The following ADAP1 variants were observed in gnomAD, a reference collection of about 807,000 sequenced individuals.
ADAP1 encodes ArfGAP with dual PH domains 1.
ADAP1 carries 31 observed loss-of-function variants against 54.9 expected under a neutral mutation model. That is an observed-to-expected ratio of 0.56 (90% CI 0.42 to 0.76). The LOEUF (loss-of-function observed/expected upper bound fraction) is 0.76, where lower values mean the gene tolerates loss of function less well. Among genes scored for constraint, ADAP1 ranks in the 30% least tolerant of loss-of-function variants. The probability of loss-of-function intolerance (pLI) is 0.00; values close to 1 mark genes in which losing one functional copy is unlikely to be tolerated. For missense variants in ADAP1, 535 were observed against 512.4 expected (o/e 1.04, Z -0.42); for synonymous variants, 313 against 202.6 (o/e 1.55, Z -4.63).
At chr7:906,484 GAGAAAGGGAAAGGAGAAAGGGA>G (rs1845349642) in intron 4 of ADAP1, among the ~76,000 whole-genome samples, 7 of 103,754 alleles carry the variant, frequency 6.7e-5, no homozygotes, top group Middle Eastern at 6.7e-3. Flanking sequence ...AAGGAGAAAG[GAGAAAGGGAAAGGAGAAAGGGA>G]GAAAGGAGAA....
intron 6 of ADAP1, among the ~76,000 whole-genome samples, chr7:902,689 A>T (rs1191010330): frequency 6.6e-6 from 1 of 151,768 alleles, no homozygotes; most frequent in East Asian, 2.0e-4. Flanking sequence ...AAATCATTAG[A>T]TAAGAAAGCA....
chr7:928,233 G>A (rs577851770), intron 2 of ADAP1, among the ~76,000 whole-genome samples: 93 of 152,026 alleles, frequency 6.1e-4, no homozygotes, highest in Non-Finnish European at 8.8e-4. Context: ...TGGACACAGC[G>A]GCTCACACCT....
intron 6 of ADAP1, among the ~76,000 whole-genome samples, chr7:903,678 C>T (rs1315160999): frequency 6.6e-6 from 1 of 152,046 alleles, no homozygotes; most frequent in Non-Finnish European, 1.5e-5. Context: ...GCCGCCACAC[C>T]AAGGGCAGCC....
intron 1 of ADAP1, among the ~76,000 whole-genome samples, chr7:948,965 G>A (rs1847205300): frequency 6.6e-6 from 1 of 152,138 alleles, no homozygotes; most frequent in African/African-American, 2.4e-5. Flanking sequence ...AAAGTGCTGG[G>A]ATTACAGGCG....
intron 1 of ADAP1, among the ~76,000 whole-genome samples, chr7:947,422 C>T (rs1221573179): frequency 1.3e-5 from 2 of 151,958 alleles, no homozygotes; most frequent in African/African-American, 4.8e-5. Context: ...CTAGCTCGGG[C>T]CTCTTTCCTC....
At chr7:925,224 C>T (rs1254385148) in intron 3 of ADAP1, among the ~76,000 whole-genome samples, 1 of 152,040 alleles carries the variant, frequency 6.6e-6, no homozygotes, top group African/African-American at 2.4e-5. Context: ...CACCTCCAGC[C>T]CCTGCTCCCC....
At position 920,969 on chromosome 7, in the gene ADAP1, G is replaced by C; in HGVS notation, c.306-919C>G. 1.8e-6 allele frequency: 2 copies of C among 1,131,206 alleles called. No individual in the cohort carries two copies. The highest frequency in any genetic ancestry group is 2.9e-5 in the South Asian group (2 of 69,008). 70.1% of individuals were successfully genotyped at this position (1,131,206 alleles called of 1,614,324 possible). A position where few individuals can be genotyped will look rare whatever the true frequency, so the allele number is the denominator to read the frequency against. On this transcript the variant is annotated intron_variant, in intron 3 of 10. Transcript: ENST00000265846. The surrounding 1 kb of genome is among the most constrained non-coding windows in gnomAD (Gnocchi z 4.5). ...CCTTGGAGACTGGGCGGGAATCCTC[G>C]CCCACAGGATCTGATGGGTGATGGG...
At chr7:927,273 C>T (rs949442836) in intron 2 of ADAP1, 1 of 1,232,130 alleles carries the variant, frequency 8.1e-7, no homozygotes, top group Non-Finnish European at 1.1e-6. Flanking sequence ...GAGGCTCGTG[C>T]TCCAGGAGGC....
chr7:955,163 A>G, upstream of ADAP1: 1 of 765,996 alleles, frequency 1.3e-6, no homozygotes, highest in Middle Eastern at 3.5e-4. Context: ...TCCCCCTGAG[A>G]CCCACCCAGC....
chr7:912,397 A>C (rs1212643494), intron 4 of ADAP1, among the ~76,000 whole-genome samples: 2 of 152,166 alleles, frequency 1.3e-5, no homozygotes, highest in Non-Finnish European at 2.9e-5. Context: ...GGCGGGGGGC[A>C]AGTCTGGCTC....
upstream of ADAP1, chr7:955,160 G>C: frequency 2.7e-6 from 2 of 753,546 alleles, no homozygotes; most frequent in Non-Finnish European, 4.5e-6. Context: ...GCCTCCCCCT[G>C]AGACCCACCC....
chr7:906,694 CATGG>C (rs1845420023), intron 4 of ADAP1, among the ~76,000 whole-genome samples: 1 of 28,848 alleles, frequency 3.5e-5, no homozygotes, highest in Non-Finnish European at 6.0e-5. Context: ...ACACGGGGGA[CATGG>C]ACATGGGGGA....
intron 1 of ADAP1, among the ~76,000 whole-genome samples, chr7:939,061 C>G (rs1258008882): frequency 6.6e-6 from 1 of 152,186 alleles, no homozygotes; most frequent in East Asian, 1.9e-4. Flanking sequence ...GAACCCGTAG[C>G]AGGAGCTGGA....
At chr7:910,095 G>A (rs920576177) in intron 4 of ADAP1, among the ~76,000 whole-genome samples, 1 of 152,186 alleles carries the variant, frequency 6.6e-6, no homozygotes, top group Non-Finnish European at 1.5e-5. Flanking sequence ...GACTGTGGGC[G>A]GGGACGCCGG....
chr7:920,179 T>G lies in ADAP1; in HGVS notation c.306-129A>C. On this transcript the variant is annotated intron_variant, in intron 3 of 10. Coordinates refer to ENST00000265846, the MANE Select transcript of ADAP1 (RefSeq NM_006869.4). The surrounding 1 kb of genome is among the most constrained non-coding windows in gnomAD (Gnocchi z 4.5). ...ACCCCCGGCAGACTCGAGCCGCCCC[T>G]CTGGGCACAAGATCCCGGAAGAAAT... is the stretch of plus-strand genomic sequence containing the variant. The G allele has an allele frequency of 1.4e-6, 1 of 713,678 alleles. No individual in the cohort carries two copies. The allele number at this position is 713,678 out of a possible 1,614,324, so 44.2% of individuals were successfully genotyped here.
rs1371236242 is a variant in ADAP1, at chr7:905,468, GGAGAAA to G, written c.389-302_389-297del. 25 of 139,184 alleles carry G rather than the reference GGAGAAA, an allele frequency of 1.8e-4. 3 individuals are homozygous for G. The highest frequency in any genetic ancestry group is 1.7e-4 in the Non-Finnish European group (12 of 72,002). The allele number at this position is 139,184 out of a possible 1,614,324, so 8.6% of individuals were successfully genotyped here. ...GAAAGGGAGAAAGGGAAAGGAGAAAGGAGAAAGGGAAAGGAGAAAGGAGAAGGGAGA... is the reference window on the plus strand; with the variant it reads ...GAAAGGGAGAAAGGGAAAGGAGAAAGGGGAAAGGAGAAAGGAGAAGGGAGA... On this transcript the variant is annotated intron_variant, in intron 4 of 10. Transcript: ENST00000265846.
chr7:912,461 C>T (rs558741117), intron 4 of ADAP1, among the ~76,000 whole-genome samples: 4 of 152,284 alleles, frequency 2.6e-5, no homozygotes, highest in South Asian at 2.1e-4. Flanking sequence ...CGTCCCCACG[C>T]AGTGACCTTG....
intron 2 of ADAP1, among the ~76,000 whole-genome samples, chr7:932,244 A>C (rs1846606611): frequency 6.6e-6 from 1 of 151,858 alleles, no homozygotes. Flanking sequence ...TCTTGGTAAT[A>C]CCCACGGTGG....
chr7:919,995 G>A lies in ADAP1; in HGVS notation c.361C>T (p.Pro121Ser), dbSNP rs1365308852. ...AKYERQEFIY[P>S]EKQEPYSAGY... ...GCCGAGTAGGGCTCCTGCTTCTCCG[G>A]GTAGATGAACTCCTGTCGCTCGTAC... is the stretch of plus-strand genomic sequence containing the variant. The change falls in exon 4 of 11, where the codon CCG becomes TCG. Residue 121 changes from proline (P) to serine (S), a missense_variant. Coordinates refer to ENST00000265846, the MANE Select transcript of ADAP1 (RefSeq NM_006869.4). 1 of 1,607,460 alleles carries A rather than the reference G, an allele frequency of 6.2e-7. No homozygotes were observed. Among genetic ancestry groups the A allele is most frequent in the South Asian group, 1.1e-5 (1 of 90,980 alleles).
Sources: allele counts gnomAD v4.1 joint callset (sites outside exome capture counted in the v4.1 genomes callset), GRCh38; gene constraint gnomAD v4.1.1; non-coding constraint Gnocchi (gnomAD v3.1); transcripts MANE v1.5; gene names NCBI Gene and HGNC (gene_info 2026-07-23, HGNC 2026-07-21).